The following NFIA variants were observed in gnomAD, a reference collection of about 807,000 sequenced individuals.
NFIA encodes the protein nuclear factor 1 A-type.
A neutral mutation model predicts 62.8 loss-of-function variants in NFIA; 8 were observed. The ratio of observed to expected loss-of-function variants is 0.13; its 90% CI spans 0.07 to 0.23. The LOEUF (loss-of-function observed/expected upper bound fraction) is 0.23. NFIA is among the 10% of genes least tolerant of loss of function. The pLI, the probability that NFIA is intolerant of heterozygous loss-of-function variation, is 1.00. For missense variants in NFIA, 410 were observed against 642.1 expected (o/e 0.64, Z 3.91); for synonymous variants, 235 against 238.1 (o/e 0.99, Z 0.12).
At chr1:61,204,060 C>A (rs1394552315) in intron 2 of NFIA, among the ~76,000 whole-genome samples, 1 of 152,174 alleles carries the variant, frequency 6.6e-6, no homozygotes, top group Non-Finnish European at 1.5e-5. Flanking sequence ...TCTGTAAATT[C>A]CGTGGGATGT....
At chr1:61,295,379 C>T (rs894465215) in intron 3 of NFIA, among the ~76,000 whole-genome samples, 9 of 152,160 alleles carry the variant, frequency 5.9e-5, no homozygotes, top group African/African-American at 2.2e-4. Context: ...GCAATGTCCA[C>T]CTCATATTTC....
chr1:61,128,654 G>A (rs1239577150), intron 2 of NFIA, among the ~76,000 whole-genome samples: 1 of 152,120 alleles, frequency 6.6e-6, no homozygotes, highest in African/African-American at 2.4e-5. Context: ...CAAAGTAAAA[G>A]TGTTGATTAG....
intron 10 of NFIA, among the ~76,000 whole-genome samples, chr1:61,436,896 C>T (rs1377582815): frequency 6.6e-6 from 1 of 152,204 alleles, no homozygotes; most frequent in Non-Finnish European, 1.5e-5. Context: ...ACGCTTTACA[C>T]ATTTAACTAA....
intron 4 of NFIA, among the ~76,000 whole-genome samples, chr1:61,345,021 A>C (rs766489): frequency 1.3e-5 from 2 of 152,126 alleles, no homozygotes; most frequent in Non-Finnish European, 2.9e-5. Context: ...CTACATTACT[A>C]TAATGATTCC....
intron 2 of NFIA, among the ~76,000 whole-genome samples, chr1:61,217,100 A>G (rs1653680108): frequency 6.9e-6 from 1 of 144,988 alleles, no homozygotes; most frequent in Non-Finnish European, 1.5e-5. Flanking sequence ...TCTGTCACCC[A>G]GGCTAGAGTG....
At position 61,277,526 on chromosome 1, in the gene NFIA, G is replaced by A. The variant is rs138408465; in HGVS notation, c.566G>A (p.Ser189Asn). 22 of 1,613,514 alleles carry A rather than the reference G, an allele frequency of 1.4e-5. No individual in the cohort carries two copies. Among genetic ancestry groups the A allele is most frequent in the Admixed American group, 1.0e-4 (6 of 59,938 alleles). ...LAYFVHAADS[S>N]QSESPSQPSD... ...GTATTTTTATGTTTTTCAGATTCAAGTCAATCTGAAAGTCCCAGCCAGCCA... is the reference window on the plus strand; with the variant it reads ...GTATTTTTATGTTTTTCAGATTCAAATCAATCTGAAAGTCCCAGCCAGCCA... Residue 189 changes from serine to asparagine, a missense_variant, in exon 3 of 11, where the codon AGT becomes AAT. Ser to Asn is a conservative substitution (Grantham distance 46). Transcript: ENST00000403491.
intron 2 of NFIA, among the ~76,000 whole-genome samples, chr1:61,109,660 G>A (rs1436269433): frequency 6.6e-6 from 1 of 151,596 alleles, no homozygotes; most frequent in Non-Finnish European, 1.5e-5. Context: ...TTTTAAAATG[G>A]GTGTAACACA....
Position 61,088,714 on chromosome 1 carries a change from TTGTG to T in NFIA, c.559+40_559+43del. The T allele has an allele frequency of 6.3e-7, 1 of 1,581,020 alleles. No homozygotes were observed. Among genetic ancestry groups the T allele is most frequent in the Non-Finnish European group, 8.6e-7 (1 of 1,164,656 alleles). On this transcript the variant is annotated intron_variant, in intron 2 of 10. Coordinates refer to ENST00000403491, the MANE Select transcript of NFIA (RefSeq NM_001134673.4). This position sits in a 1 kb window ranked among gnomAD's most constrained non-coding sequence, Gnocchi z 4.5. ...GATGGTGAGAATTCCTCCCACTTTC[TTGTG>T]TGTGTTTCTTTCCTGATGGCCTCCG...
intron 6 of NFIA, among the ~76,000 whole-genome samples, chr1:61,361,422 C>A (rs995330211): frequency 2.0e-5 from 3 of 152,162 alleles, no homozygotes; most frequent in African/African-American, 7.2e-5. Context: ...AGTCAATTTA[C>A]CTGCTTCAGT....
intron 10 of NFIA, among the ~76,000 whole-genome samples, chr1:61,450,364 A>G (rs781158813): frequency 6.6e-6 from 1 of 152,222 alleles, no homozygotes; most frequent in Non-Finnish European, 1.5e-5. Flanking sequence ...TGATTTGCCA[A>G]GGACAACTCA....
At position 61,455,362 on chromosome 1, in the gene NFIA, C is replaced by T. The variant is rs114023473; in HGVS notation, c.*42C>T. ...CCATCCACCAGACAGACCACCTGAC[C>T]CCTTCTCAACTCTGTAACATGGACG... is the stretch of plus-strand genomic sequence containing the variant. On this transcript the variant is annotated 3_prime_UTR_variant, in exon 11 of 11. Coordinates refer to ENST00000403491, the MANE Select transcript of NFIA (RefSeq NM_001134673.4). 3.6e-4 allele frequency: 574 copies of T among 1,614,102 alleles called. 6 individuals are homozygous for T. In the East Asian group the frequency reaches 0.011, roughly 31 times the overall value.
rs528691062 is a variant in NFIA at position 61,152,172 on chromosome 1, C to T, written c.559+63492C>T. On this transcript the variant is annotated intron_variant, in intron 2 of 10. Transcript: ENST00000403491. ...GTTGTTTATTCTCTCCTCCTATCAG[C>T]TATTAGTGCCTAATCATATGGTCTA... Among the ~76,000 whole-genome samples, 115 of 152,280 alleles carry T rather than the reference C, an allele frequency of 7.6e-4. 2 individuals carry two copies. In the South Asian group the frequency reaches 0.022, roughly 29 times the overall value.
At chr1:61,116,026 T>C (rs1186632582) in intron 2 of NFIA, among the ~76,000 whole-genome samples, 4 of 151,862 alleles carry the variant, frequency 2.6e-5, no homozygotes, top group African/African-American at 9.7e-5. Context: ...TGTTTTTTTT[T>C]TTTTTTGCCT....
intron 10 of NFIA, among the ~76,000 whole-genome samples, chr1:61,437,650 T>C (rs1667390670): frequency 6.6e-6 from 1 of 152,158 alleles, no homozygotes; most frequent in Non-Finnish European, 1.5e-5. Context: ...GATGAAGTAA[T>C]TGAAATAGGT....
At chr1:61,225,757 G>A (rs905498834) in intron 2 of NFIA, among the ~76,000 whole-genome samples, 14 of 151,976 alleles carry the variant, frequency 9.2e-5, no homozygotes, top group Non-Finnish European at 1.8e-4. Flanking sequence ...TGAGTGTATG[G>A]AGCCCTCATT....
At chr1:61,414,308 G>A (rs1666256131) in intron 9 of NFIA, among the ~76,000 whole-genome samples, 1 of 152,152 alleles carries the variant, frequency 6.6e-6, no homozygotes, top group Non-Finnish European at 1.5e-5. Flanking sequence ...TTTTATATAT[G>A]TATTATCTTA....
At position 61,112,135 on chromosome 1, in the gene NFIA, T is replaced by A. The variant is rs57036904; in HGVS notation, c.559+23455T>A. Reference sequence around the variant, plus strand: ...TCCAAAATAGAAAGATTTTTTTTTTTTAAAAAAAAACTATGCTCTAAAAAT... The same window carrying A: ...TCCAAAATAGAAAGATTTTTTTTTTATAAAAAAAAACTATGCTCTAAAAAT... On this transcript the variant is annotated intron_variant, in intron 2 of 10. Transcript: ENST00000403491. 2.7e-3 allele frequency among the ~76,000 whole-genome samples: 301 copies of A among 111,866 alleles called. 5 individuals carry two copies. Among genetic ancestry groups the A allele is most frequent in the Non-Finnish European group, 1.8e-3 (99 of 54,472 alleles). The allele number at this position is 111,866 out of a possible 152,430, so 73.4% of individuals were successfully genotyped here.
At chr1:61,105,412 T>C (rs1329290194) in intron 2 of NFIA, among the ~76,000 whole-genome samples, 1 of 151,976 alleles carries the variant, frequency 6.6e-6, no homozygotes, top group African/African-American at 2.4e-5. Context: ...AGGGTATTAC[T>C]GATCTCTAAA....
chr1:61,134,747 C>T (rs972192057), intron 2 of NFIA, among the ~76,000 whole-genome samples: 1 of 152,108 alleles, frequency 6.6e-6, no homozygotes, highest in Non-Finnish European at 1.5e-5. Context: ...CCCAGCACAT[C>T]GAAAGGCTGA....
Sources: allele counts gnomAD v4.1 joint callset (sites outside exome capture counted in the v4.1 genomes callset), GRCh38; gene constraint gnomAD v4.1.1; non-coding constraint Gnocchi (gnomAD v3.1); transcripts MANE v1.5; gene names NCBI Gene and HGNC (gene_info 2026-07-23, HGNC 2026-07-21).